NBEAL2: variants seen among roughly 807,000 people sequenced by gnomAD.
NBEAL2 encodes neurobeachin-like protein 2.
In NBEAL2, 160 loss-of-function variants were observed where a neutral mutation model predicts 299.8. The observed-to-expected ratio is 0.53, with a 90% CI of 0.47 to 0.61. The LOEUF is 0.61. Among genes scored for constraint, NBEAL2 ranks in the 20% least tolerant of loss-of-function variants. The pLI is 0.00. For missense variants in NBEAL2, 3,112 were observed against 3,649.0 expected, an observed-to-expected ratio of 0.85 and a Z score of 3.79; for synonymous variants, 1,493 against 1,542.3, an observed-to-expected ratio of 0.97 and a Z score of 0.75.
At position 46,996,147 on chromosome 3, in the gene NBEAL2, C is replaced by T. The variant is rs187207716; in HGVS notation, c.2151+96C>T. 25 of 1,547,844 alleles carry T rather than the reference C, an allele frequency of 1.6e-5. No homozygotes were observed. In the African/African-American group the frequency reaches 3.1e-4, roughly 19 times the overall value. ...CTGGAGCCCTTGTGTCCCGTGCTGC[C>T]CCACAGGCCTGACTTTAGCCACTGG... On this transcript the variant is annotated intron_variant, in intron 15 of 53. Transcript: ENST00000450053.
At position 46,988,474 on chromosome 3, in the gene NBEAL2, G is replaced by A. The variant is rs909711974; in HGVS notation, c.52-195G>A. On this transcript the variant is annotated intron_variant, in intron 1 of 53. Coordinates refer to ENST00000450053, the MANE Select transcript of NBEAL2 (RefSeq NM_015175.3). The surrounding 1 kb of genome is among the most constrained non-coding windows in gnomAD (Gnocchi z 4.4). The stretch of plus-strand genomic sequence containing the variant: ...AGTATGTACCTAACTCTCTGATGCT[G>A]ACCTTCCAATGTCCTGCCCTCCCTC... Among the ~76,000 whole-genome samples, 1 of 151,970 alleles carries A rather than the reference G, an allele frequency of 6.6e-6. No homozygotes were observed. Among genetic ancestry groups the A allele is most frequent in the African/African-American group, 2.4e-5 (1 of 41,356 alleles).
In NBEAL2 at chr3:46,989,145, G is replaced by A. The variant is rs371048850; in HGVS notation, c.330G>A (p.Leu110=). 4 of 1,613,936 alleles carry A rather than the reference G, an allele frequency of 2.5e-6. No individual in the cohort carries two copies. The highest frequency in any genetic ancestry group is 3.4e-6 in the Non-Finnish European group (4 of 1,179,850). ...TGCTAGTGCCCCGAGTGCTGGCACT[G>A]TTGACCAAGTTGGTGGCGGAGGTGA... ...GQVLVPRVLA[L]LTKLVAELKG... The change falls in exon 4 of 54, where the codon CTG becomes CTA. Residue 110 remains leucine (L), a synonymous_variant. Transcript: ENST00000450053. This position sits in a 1 kb window ranked among gnomAD's most constrained non-coding sequence, Gnocchi z 5.5.
rs762919526 is a variant in NBEAL2, at chr3:47,001,100, C to T, written c.4405C>T (p.Arg1469Cys). ...CAGCGATGAGGCTGCCTGGCGGGAG[C>T]GTGGCCAGGTTTTCTCAGTGCTCAC... ...EGSDEAAWRE[R>C]GQVFSVLTQL... Residue 1469 changes from arginine (R) to cysteine (C), a missense_variant, in exon 28 of 54, where the codon CGT (arginine) becomes TGT (cysteine). Physicochemically the swap from Arg to Cys is radical, Grantham distance 180. Transcript: ENST00000450053. This position sits in a 1 kb window ranked among gnomAD's most constrained non-coding sequence, Gnocchi z 6.1. 3 of 1,612,234 alleles carry T rather than the reference C, an allele frequency of 1.9e-6. No individual in the cohort carries two copies. The highest frequency in any genetic ancestry group is 2.5e-6 in the Non-Finnish European group (3 of 1,179,368).
At chr3:46,981,575 C>G (rs999224528) in intron 1 of NBEAL2, among the ~76,000 whole-genome samples, 4 of 152,212 alleles carry the variant, frequency 2.6e-5, no homozygotes, top group Admixed American at 6.5e-5. Context: ...TGGGTCCCCT[C>G]GCCCCAGCTT....
chr3:46,991,797 C>T lies in NBEAL2; in HGVS notation c.926-43C>T. 6.4e-7 allele frequency: 1 copy of T among 1,566,684 alleles called. No homozygotes were observed. ...CATAGGAAGGAAGGCTTAAGGCTGCCTAGAGGGGTCTGGGCAGGGCCTGAC... is the reference window on the plus strand; with the variant it reads ...CATAGGAAGGAAGGCTTAAGGCTGCTTAGAGGGGTCTGGGCAGGGCCTGAC... On this transcript the variant is annotated intron_variant, in intron 8 of 53. Coordinates refer to ENST00000450053, the MANE Select transcript of NBEAL2 (RefSeq NM_015175.3). The surrounding 1 kb of genome is among the most constrained non-coding windows in gnomAD (Gnocchi z 6.2).
In NBEAL2 at chr3:47,007,850, C is replaced by G; in HGVS notation, c.7542C>G (p.Gly2514=). 1 of 1,613,616 alleles carries G rather than the reference C, an allele frequency of 6.2e-7. No individual in the cohort carries two copies. Among genetic ancestry groups the G allele is most frequent in the Non-Finnish European group, 8.5e-7 (1 of 1,179,770 alleles). ...VVTCLALDTC[G]IYLISGSRDT... ...CCTGCCTTGCACTGGACACCTGTGGCATCTACCTCATCTCAGGCTCCCGGG... is the reference window on the plus strand; with the variant it reads ...CCTGCCTTGCACTGGACACCTGTGGGATCTACCTCATCTCAGGCTCCCGGG... The change falls in exon 49 of 54, where the codon GGC becomes GGG. Residue 2514 remains glycine, a synonymous_variant. Coordinates refer to ENST00000450053, the MANE Select transcript of NBEAL2 (RefSeq NM_015175.3).
chr3:46,993,115 A>G (rs1203906197), intron 10 of NBEAL2, among the ~76,000 whole-genome samples: 1 of 152,204 alleles, frequency 6.6e-6, no homozygotes, highest in Non-Finnish European at 1.5e-5. Flanking sequence ...CTCTGTCTTC[A>G]TGAGGTAACC....
Position 47,001,089 on chromosome 3 carries a change from C to T in NBEAL2, c.4394C>T (p.Ala1465Val). ...GGCGTGGAAGGCAGCGATGAGGCTG[C>T]CTGGCGGGAGCGTGGCCAGGTTTTC... Reference protein sequence around the residue: ...WRGVEGSDEAAWRERGQVFSV... With the variant: ...WRGVEGSDEAVWRERGQVFSV... The change falls in exon 28 of 54, where the codon GCC becomes GTC. Residue 1465 changes from alanine (A) to valine (V), a missense_variant. Ala to Val is a moderately conservative substitution (Grantham distance 64). Transcript: ENST00000450053. This position sits in a 1 kb window ranked among gnomAD's most constrained non-coding sequence, Gnocchi z 6.1. 6.2e-7 allele frequency: 1 copy of T among 1,612,510 alleles called. No homozygotes were observed. Among genetic ancestry groups the T allele is most frequent in the Non-Finnish European group, 8.5e-7 (1 of 1,179,444 alleles).
rs757605058 is a variant in NBEAL2, at chr3:47,001,446, C to G, written c.4644+8C>G. ...GAACTGTGGAGTGAGAAGGTGCGAC[C>G]CCTCAGAGAGGCGTGAGCCACATGA... On this transcript the variant is annotated splice_region_variant and intron_variant, in intron 29 of 53. Transcript: ENST00000450053. The surrounding 1 kb of genome is among the most constrained non-coding windows in gnomAD (Gnocchi z 6.1). 6.2e-7 allele frequency: 1 copy of G among 1,610,672 alleles called. No individual in the cohort carries two copies. Among genetic ancestry groups the G allele is most frequent in the Non-Finnish European group, 8.5e-7 (1 of 1,179,224 alleles).
Position 46,982,300 on chromosome 3 carries a change from C to G in NBEAL2, c.51+2388C>G, listed in dbSNP as rs571250371. ...GCCACCCAGCCAGCAACACCTGCAC[C>G]CCTCCCTTCAGCAGTGAGAGCTGAC... On this transcript the variant is annotated intron_variant, in intron 1 of 53. Transcript: ENST00000450053. This position sits in a 1 kb window ranked among gnomAD's most constrained non-coding sequence, Gnocchi z 4.2. Among the ~76,000 whole-genome samples, 127 of 152,274 alleles carry G rather than the reference C, an allele frequency of 8.3e-4. No homozygotes were observed. Among genetic ancestry groups the G allele is most frequent in the African/African-American group, 2.9e-3 (121 of 41,558 alleles).
chr3:47,001,146 C>T lies in NBEAL2; in HGVS notation c.4451C>T (p.Thr1484Ile). The T allele has an allele frequency of 6.2e-7, 1 of 1,612,690 alleles. No homozygotes were observed. Among genetic ancestry groups the T allele is most frequent in the African/African-American group, 1.3e-5 (1 of 74,990 alleles). Reference sequence around the variant, plus strand: ...CTCACCCAGCTGGGGGCCTCAGCCACACTTGTGCGCCCACCAGACTGCATC... The same window carrying T: ...CTCACCCAGCTGGGGGCCTCAGCCATACTTGTGCGCCCACCAGACTGCATC... ...SVLTQLGASA[T>I]LVRPPDCIKR... The change falls in exon 28 of 54, where the codon ACA becomes ATA. Residue 1484 changes from threonine (T) to isoleucine (I), a missense_variant. Physicochemically the swap from Thr to Ile is moderately conservative, Grantham distance 89. Coordinates refer to ENST00000450053, the MANE Select transcript of NBEAL2 (RefSeq NM_015175.3). This position sits in a 1 kb window ranked among gnomAD's most constrained non-coding sequence, Gnocchi z 6.1.
chr3:46,984,150 A>AAATAC (rs60398181), intron 1 of NBEAL2, among the ~76,000 whole-genome samples: 136,355 of 146,880 alleles, frequency 0.93, 63,946 homozygotes, highest in East Asian at 0.99. Context: ...AAAAAAAAAA[A>AAATAC]AAAAAATTAG....
chr3:46,981,162 T>C (rs886340405), intron 1 of NBEAL2, among the ~76,000 whole-genome samples: 7 of 152,052 alleles, frequency 4.6e-5, no homozygotes, highest in Non-Finnish European at 1.0e-4. Context: ...GACACAGCCC[T>C]GGCCGGGCAC....
At position 46,988,639 on chromosome 3, in the gene NBEAL2, C is replaced by T. The variant is rs760571798; in HGVS notation, c.52-30C>T. 1.3e-6 allele frequency: 2 copies of T among 1,597,350 alleles called. No individual in the cohort carries two copies. The highest frequency in any genetic ancestry group is 1.1e-5 in the South Asian group (1 of 90,696). ...CCTGTTTACTGCATCCCTCCTGCCC[C>T]CCACCACTGTTCCCCTGTTCTGCCT... On this transcript the variant is annotated intron_variant, in intron 1 of 53. Coordinates refer to ENST00000450053, the MANE Select transcript of NBEAL2 (RefSeq NM_015175.3). The surrounding 1 kb of genome is among the most constrained non-coding windows in gnomAD (Gnocchi z 4.4).
rs746255435 is a variant in NBEAL2, at chr3:46,999,103, G to A, written c.3529G>A (p.Asp1177Asn). Reference sequence around the variant, plus strand: ...GCCAGGGTCACTGCCCCTGCTGCCCGATCGAGTCTGCAAGGTACACCCAGC... The same window carrying A: ...GCCAGGGTCACTGCCCCTGCTGCCCAATCGAGTCTGCAAGGTACACCCAGC... ...VRPGSLPLLPDRVCKILRRLQ... is the reference protein window; with the variant it reads ...VRPGSLPLLPNRVCKILRRLQ... The change falls in exon 24 of 54, where the codon GAT becomes AAT. Residue 1177 changes from aspartate (D) to asparagine (N), a missense_variant. Asp to Asn is a conservative substitution (Grantham distance 23). This residue lies in a region of NBEAL2 where 2,243 missense variants were observed against 2,538.1 expected (regional missense o/e 0.88). Coordinates refer to ENST00000450053, the MANE Select transcript of NBEAL2 (RefSeq NM_015175.3). 4.6e-5 allele frequency: 72 copies of A among 1,581,856 alleles called. No individual in the cohort carries two copies. The highest frequency in any genetic ancestry group is 1.7e-4 in the Middle Eastern group (1 of 5,854).
In NBEAL2 at chr3:46,995,509, G is replaced by C. The variant is rs1328501066; in HGVS notation, c.1774G>C (p.Val592Leu). ...DLTPSMAGIM[V>L]PPVQRWPGPG... ...CACGCCCAGCATGGCGGGCATCATG[G>C]TACCCCCTGTACAGCGATGGCCAGG... The change falls in exon 13 of 54, where the codon GTA (valine) becomes CTA (leucine). Residue 592 changes from valine to leucine, a missense_variant. Val to Leu is a conservative substitution (Grantham distance 32). Transcript: ENST00000450053. 6.2e-7 allele frequency: 1 copy of C among 1,612,880 alleles called. No homozygotes were observed. The highest frequency in any genetic ancestry group is 8.5e-7 in the Non-Finnish European group (1 of 1,179,884).
chr3:47,000,138 C>G lies in NBEAL2; in HGVS notation c.4039C>G (p.His1347Asp). The G allele has an allele frequency of 6.2e-7, 1 of 1,613,810 alleles. No individual in the cohort carries two copies. The highest frequency in any genetic ancestry group is 8.5e-7 in the Non-Finnish European group (1 of 1,179,880). Residue 1347 changes from histidine (H) to aspartate (D), a missense_variant, in exon 27 of 54, where the codon CAT (histidine) becomes GAT (aspartate). By Grantham distance (81) the His-to-Asp change is moderately conservative. This residue lies in a region of NBEAL2 where 2,243 missense variants were observed against 2,538.1 expected (regional missense o/e 0.88). Transcript: ENST00000450053. The surrounding 1 kb of genome is among the most constrained non-coding windows in gnomAD (Gnocchi z 4.5). ...APCPDPDGFY[H>D]ALSPFCTPFD... Reference sequence around the variant, plus strand: ...CTGCCCTGACCCTGATGGCTTTTACCATGCTCTCTCCCCATTCTGCACGCC... The same window carrying G: ...CTGCCCTGACCCTGATGGCTTTTACGATGCTCTCTCCCCATTCTGCACGCC...
At position 46,995,615 on chromosome 3, in the gene NBEAL2, A is replaced by G; in HGVS notation, c.1880A>G (p.Gln627Arg). The change falls in exon 13 of 54, where the codon CAG (glutamine) becomes CGG (arginine). Residue 627 changes from glutamine (Q) to arginine (R), a missense_variant. Coordinates refer to ENST00000450053, the MANE Select transcript of NBEAL2 (RefSeq NM_015175.3). ...APTPAPTRPLQRKQLYSFFTS... is the reference protein window; with the variant it reads ...APTPAPTRPLRRKQLYSFFTS... ...ACCCCTGCCCCCACCCGACCACTCC[A>G]GCGAAAGCAGCTGTACAGGTGGGTG... The G allele has an allele frequency of 6.2e-7, 1 of 1,611,414 alleles. No individual in the cohort carries two copies. The highest frequency in any genetic ancestry group is 1.1e-5 in the South Asian group (1 of 91,054).
rs1385184340 is a variant in NBEAL2 at position 47,005,631 on chromosome 3, G to T, written c.6691+12G>T. 6.2e-7 allele frequency: 1 copy of T among 1,613,564 alleles called. No homozygotes were observed. Among genetic ancestry groups the T allele is most frequent in the Non-Finnish European group, 8.5e-7 (1 of 1,179,826 alleles). ...GGAGAACCAGAACGGTAGGTGTGAG[G>T]TGCTCACACTGGAGCGGGCAGGTGT... On this transcript the variant is annotated intron_variant, in intron 41 of 53. Coordinates refer to ENST00000450053, the MANE Select transcript of NBEAL2 (RefSeq NM_015175.3).
Sources: gnomAD v4.1 joint callset for allele counts (sites outside exome capture counted in the v4.1 genomes callset) on GRCh38, gnomAD v4.1.1 for gene constraint, gnomAD v4.1.1 regional missense constraint, Gnocchi (gnomAD v3.1) non-coding constraint, MANE v1.5 for transcripts, NCBI Gene and HGNC (gene_info 2026-07-23, HGNC 2026-07-21) for gene names.